The following KIF1A variants were observed in gnomAD, a reference collection of about 807,000 sequenced individuals.
The protein encoded by KIF1A is kinesin family member 1A.
In KIF1A, 46 loss-of-function variants were observed where a neutral mutation model predicts 227.3. The ratio of observed to expected loss-of-function variants is 0.20; its 90% CI spans 0.16 to 0.26. The LOEUF is 0.26. KIF1A is among the 10% of genes least tolerant of loss of function. The probability of loss-of-function intolerance (pLI) is 1.00; values close to 1 mark genes in which losing one functional copy is unlikely to be tolerated. For missense variants in KIF1A, 1,683 were observed against 2,485.9 expected (o/e 0.68, Z 6.87); for synonymous variants, 1,022 against 1,012.8 (o/e 1.01, Z -0.17).
At chr2:240,727,884 G>A (rs2046210918) in intron 38 of KIF1A, among the ~76,000 whole-genome samples, 1 of 152,208 alleles carries the variant, frequency 6.6e-6, no homozygotes, top group African/African-American at 2.4e-5. Context: ...CCTCAGGCCT[G>A]GTGCTCACAG....
At chr2:240,743,723 ACT>A (rs1295523613) in intron 33 of KIF1A, among the ~76,000 whole-genome samples, 4 of 151,560 alleles carry the variant, frequency 2.6e-5, no homozygotes, top group African/African-American at 9.7e-5. Flanking sequence ...CTCACAAGGA[ACT>A]CTCTGCAGTC....
chr2:240,797,843 C>G, intron 1 of KIF1A, 31 bp from the exon 2 acceptor site: 1 of 787,488 alleles, frequency 1.3e-6, no homozygotes, highest in East Asian at 2.7e-5. Flanking sequence ...GAATTAGAAA[C>G]AATATCTGAG....
intron 27 of KIF1A, among the ~76,000 whole-genome samples, chr2:240,755,297 C>A (rs1217395397): frequency 6.6e-6 from 1 of 152,212 alleles, no homozygotes; most frequent in East Asian, 1.9e-4. Flanking sequence ...AGACTGAAAC[C>A]CAGCCCAAGA....
intron 1 of KIF1A, among the ~76,000 whole-genome samples, chr2:240,817,886 C>A (rs182177720): frequency 6.6e-6 from 1 of 152,210 alleles, no homozygotes; most frequent in South Asian, 2.1e-4. Context: ...GTGAGGACTG[C>A]GGGGCACAGG....
Position 240,725,150 on chromosome 2 carries a change from GC to G in KIF1A, c.4256+120del. 1 of 1,038,880 alleles carries G rather than the reference GC, an allele frequency of 9.6e-7. No homozygotes were observed. Among genetic ancestry groups the G allele is most frequent in the Non-Finnish European group, 1.4e-6 (1 of 711,272 alleles). 64.4% of individuals were successfully genotyped at this position (1,038,880 alleles called of 1,614,324 possible). ...GCGCAGGGAGCCAGCCAGGAGTGTG[GC>G]TGGGCCTCGCACAGGGTGAGCTGCC... On this transcript the variant is annotated intron_variant, in intron 40 of 48. Coordinates refer to ENST00000498729, the MANE Select transcript of KIF1A (RefSeq NM_001244008.2). This position sits in a 1 kb window ranked among gnomAD's most constrained non-coding sequence, Gnocchi z 5.8.
At chr2:240,814,332 C>G (rs942759849) in intron 1 of KIF1A, among the ~76,000 whole-genome samples, 1 of 152,062 alleles carries the variant, frequency 6.6e-6, no homozygotes, top group African/African-American at 2.4e-5. Flanking sequence ...TCATAAGTGA[C>G]CTGATGCAGA....
In KIF1A at chr2:240,783,036, C is replaced by T. The variant is rs371393071; in HGVS notation, c.864+8G>A. The T allele has an allele frequency of 5.6e-5, 91 of 1,610,966 alleles. No individual in the cohort carries two copies. The highest frequency in any genetic ancestry group is 7.7e-5 in the Non-Finnish European group (91 of 1,177,428). On this transcript the variant is annotated splice_region_variant and intron_variant, in intron 9 of 48. Transcript: ENST00000498729. ...TTCTGGCTATGGAAGCCGGGCCGGG[C>T]CACTCACCATTTCAGCCAGGGCGGA...
chr2:240,782,787 C>T (rs997745132), intron 9 of KIF1A, among the ~76,000 whole-genome samples, 180 bp from the exon 10 acceptor site: 1 of 152,144 alleles, frequency 6.6e-6, no homozygotes, highest in Non-Finnish European at 1.5e-5. Flanking sequence ...CCTTCCCGGG[C>T]CCAGGCCTGG....
intron 9 of KIF1A, 122 bp downstream of exon 9, chr2:240,782,922 G>C (rs2054259863): frequency 2.4e-6 from 2 of 843,588 alleles, no homozygotes; most frequent in Non-Finnish European, 4.0e-6. Flanking sequence ...CCATCTCCGG[G>C]CTCTCCCTTG....
chr2:240,724,780 C>T (rs2045794434), intron 40 of KIF1A: 1 of 165,366 alleles, frequency 6.0e-6, no homozygotes, highest in African/African-American at 2.4e-5. Context: ...CTGACAGCCT[C>T]CAAGAAGAGC....
At chr2:240,767,403 C>G (rs2051344949) in intron 17 of KIF1A, 58 bp from the exon 18 acceptor site, 10 of 1,414,186 alleles carry the variant, frequency 7.1e-6, no homozygotes, top group Non-Finnish European at 9.9e-6. Flanking sequence ...TGATGCTGGC[C>G]ACACCCCCCT....
rs1360068430 is a variant in KIF1A, at chr2:240,723,440, C to T, written c.4437G>A (p.Glu1479=). ...SDSLILDHQW[E]LEKLSLLQEV... ...CCTGCAGGAGGCTCAGCTTCTCCAGCTCCCACTGGTGGTCCAGAATGAGAC... is the reference window on the plus strand; with the variant it reads ...CCTGCAGGAGGCTCAGCTTCTCCAGTTCCCACTGGTGGTCCAGAATGAGAC... The change falls in exon 42 of 49, where the codon GAG becomes GAA. Residue 1479 remains glutamate, a synonymous_variant. Coordinates refer to ENST00000498729, the MANE Select transcript of KIF1A (RefSeq NM_001244008.2). 6.4e-7 allele frequency: 1 copy of T among 1,551,660 alleles called. No individual in the cohort carries two copies.
chr2:240,761,382 G>C lies in KIF1A; in HGVS notation c.2117-5C>G, dbSNP rs2050506422. On this transcript the variant is annotated splice_region_variant and splice_polypyrimidine_tract_variant and intron_variant, in intron 23 of 48. Transcript: ENST00000498729. ...ACTCCCGCTCTGTCCACTGGACTGT[G>C]GGGAGAGGTCACACGTGGTCATCGC... 2 of 1,592,258 alleles carry C rather than the reference G, an allele frequency of 1.3e-6. No homozygotes were observed. Among genetic ancestry groups the C allele is most frequent in the Non-Finnish European group, 1.7e-6 (2 of 1,165,822 alleles).
intron 1 of KIF1A, among the ~76,000 whole-genome samples, chr2:240,808,528 C>T (rs2057608051): frequency 6.6e-6 from 1 of 151,400 alleles, no homozygotes; most frequent in Non-Finnish European, 1.5e-5. Context: ...TTTTAATTAG[C>T]CAGGAGTAGT....
At chr2:240,807,983 A>G (rs952926165) in intron 1 of KIF1A, among the ~76,000 whole-genome samples, 8 of 152,228 alleles carry the variant, frequency 5.3e-5, no homozygotes, top group Admixed American at 5.2e-4. Flanking sequence ...CAATATTAGA[A>G]TAAAAGAAAA....
At chr2:240,781,411 CCA>C (rs1396045736) in intron 10 of KIF1A, among the ~76,000 whole-genome samples, 4 of 38,242 alleles carry the variant, frequency 1.0e-4, no homozygotes, top group Admixed American at 4.8e-4. Flanking sequence ...ACACACAGCT[CCA>C]CACACACACA....
In KIF1A at chr2:240,762,828, C is replaced by G; in HGVS notation, c.2023-16G>C. The G allele has an allele frequency of 6.4e-7, 1 of 1,570,566 alleles. No homozygotes were observed. Among genetic ancestry groups the G allele is most frequent in the Non-Finnish European group, 8.7e-7 (1 of 1,152,920 alleles). ...TCTCATAGTCCTGCAGAAAGCAAGGCCTGTGACTCCACTACGGCCCTACCT... is the reference window on the plus strand; with the variant it reads ...TCTCATAGTCCTGCAGAAAGCAAGGGCTGTGACTCCACTACGGCCCTACCT... On this transcript the variant is annotated splice_polypyrimidine_tract_variant and intron_variant, in intron 22 of 48. Transcript: ENST00000498729.
At chr2:240,812,076 A>AAT (rs2057907925) in intron 1 of KIF1A, among the ~76,000 whole-genome samples, 1 of 152,154 alleles carries the variant, frequency 6.6e-6, no homozygotes, top group African/African-American at 2.4e-5. Context: ...CACTTGGTAA[A>AAT]AATGCATGCA....
intron 1 of KIF1A, among the ~76,000 whole-genome samples, chr2:240,800,839 T>C (rs1366220263): frequency 6.6e-6 from 1 of 152,214 alleles, no homozygotes; most frequent in African/African-American, 2.4e-5. Flanking sequence ...CACCAGGCTC[T>C]GGCTGAAAGC....
Sources: gnomAD v4.1 joint callset for allele counts (sites outside exome capture counted in the v4.1 genomes callset) on GRCh38, gnomAD v4.1.1 for gene constraint, Gnocchi (gnomAD v3.1) non-coding constraint, MANE v1.5 for transcripts, NCBI Gene and HGNC (gene_info 2026-07-23, HGNC 2026-07-21) for gene names.